The following ATP10B variants were observed in gnomAD, a reference collection of about 807,000 sequenced individuals.
ATP10B encodes phospholipid-transporting ATPase VB.
A neutral mutation model predicts 141.2 loss-of-function variants in ATP10B; 122 were observed. That is an observed-to-expected ratio of 0.86 (90% CI 0.75 to 1.00). The LOEUF is 1.00. Ranked by LOEUF, ATP10B falls within the 50% of genes least tolerant of loss-of-function variation. ATP10B has a pLI of 0.00. For synonymous variants in ATP10B, 685 were observed against 692.0 expected, an observed-to-expected ratio of 0.99 and a Z score of 0.16; for missense variants, 1,876 against 1,825.3, an observed-to-expected ratio of 1.03 and a Z score of -0.51.
At position 160,634,447 on chromosome 5, in the gene ATP10B, T is replaced by C. The variant is rs369363270; in HGVS notation, c.1288A>G (p.Ile430Val). ...AGGGTCCCCGTCTTATCGGAGAAGA[T>C]GTACTGGATCTGGCCCAAGTCCTCT... ...IAEDLGQIQY[I>V]FSDKTGTLTE... The change falls in exon 12 of 26, where the codon ATC becomes GTC. Residue 430 changes from isoleucine (I) to valine (V), a missense_variant. Physicochemically the swap from Ile to Val is conservative, Grantham distance 29. Transcript: ENST00000327245. 1.2e-6 allele frequency: 2 copies of C among 1,614,168 alleles called. No individual in the cohort carries two copies. Among genetic ancestry groups the C allele is most frequent in the Admixed American group, 1.7e-5 (1 of 60,030 alleles).
chr5:160,622,788 A>G (rs1339028833), intron 13 of ATP10B, among the ~76,000 whole-genome samples: 3 of 152,096 alleles, frequency 2.0e-5, no homozygotes, highest in African/African-American at 7.2e-5. Flanking sequence ...CCATTACCAG[A>G]TGCTGACAGT....
chr5:160,781,076 A>G (rs1402723948), intron 2 of ATP10B, among the ~76,000 whole-genome samples: 2 of 152,156 alleles, frequency 1.3e-5, no homozygotes, highest in Non-Finnish European at 2.9e-5. Context: ...TACTCTTAGT[A>G]TTTATGTGCT....
chr5:160,588,308 G>T (rs1052997633), intron 24 of ATP10B, among the ~76,000 whole-genome samples: 2 of 152,074 alleles, frequency 1.3e-5, no homozygotes, highest in Non-Finnish European at 1.5e-5. Flanking sequence ...TTCAAAATGA[G>T]AACTCCATGA....
At chr5:160,722,009 A>G (rs1766031138) in intron 2 of ATP10B, among the ~76,000 whole-genome samples, 1 of 152,202 alleles carries the variant, frequency 6.6e-6, no homozygotes, top group Non-Finnish European at 1.5e-5. Flanking sequence ...GGGGATAATA[A>G]TAATATATAC....
In ATP10B at chr5:160,636,312, G is replaced by A. The variant is rs775414141; in HGVS notation, c.1001-3C>T. 8.5e-5 allele frequency: 137 copies of A among 1,611,892 alleles called. No homozygotes were observed. Among genetic ancestry groups the A allele is most frequent in the Non-Finnish European group, 1.2e-4 (136 of 1,179,172 alleles). ...GGTCCCATTCCAGATGCTGTGACCT[G>A]AGAGGAGGCAAAACCAGGAATGAGG... On this transcript the variant is annotated splice_region_variant and splice_polypyrimidine_tract_variant and intron_variant, in intron 10 of 25. Coordinates refer to ENST00000327245, the MANE Select transcript of ATP10B (RefSeq NM_025153.3).
Position 160,632,358 on chromosome 5 carries a change from A to T in ATP10B, c.1391T>A (p.Leu464Gln). 6.2e-7 allele frequency: 1 copy of T among 1,614,132 alleles called. No individual in the cohort carries two copies. The highest frequency in any genetic ancestry group is 8.5e-7 in the Non-Finnish European group (1 of 1,179,960). ...TGAGTCCAGCTCCTTTGGGGTCTCCAGTCGCTTAGCTGCAAGAAAGGAGTC... is the reference window on the plus strand; with the variant it reads ...TGAGTCCAGCTCCTTTGGGGTCTCCTGTCGCTTAGCTGCAAGAAAGGAGTC... Reference protein sequence around the residue: ...EYSHQENAKRLETPKELDSDG... With the variant: ...EYSHQENAKRQETPKELDSDG... Residue 464 changes from leucine to glutamine, a missense_variant, in exon 13 of 26, where the codon CTG becomes CAG. By Grantham distance (113) the Leu-to-Gln change is moderately radical. Coordinates refer to ENST00000327245, the MANE Select transcript of ATP10B (RefSeq NM_025153.3).
chr5:160,581,355 T>C (rs1755539249), intron 24 of ATP10B, among the ~76,000 whole-genome samples: 2 of 152,206 alleles, frequency 1.3e-5, no homozygotes, highest in South Asian at 4.1e-4. Context: ...TGTGTCTTCG[T>C]TCTCACTGGT....
intron 1 of ATP10B, among the ~76,000 whole-genome samples, chr5:160,837,980 T>C (rs778105432): frequency 6.6e-6 from 1 of 152,204 alleles, no homozygotes; most frequent in Non-Finnish European, 1.5e-5. Context: ...GTTGGCATCA[T>C]TTAGGATTAG....
intron 18 of ATP10B, among the ~76,000 whole-genome samples, chr5:160,610,428 C>T (rs918000259): frequency 6.6e-6 from 1 of 152,154 alleles, no homozygotes; most frequent in African/African-American, 2.4e-5. Context: ...TGACCAACAG[C>T]TTGAGTGCAA....
intron 1 of ATP10B, among the ~76,000 whole-genome samples, chr5:160,815,933 A>G (rs1773580670): frequency 6.6e-6 from 1 of 152,146 alleles, no homozygotes; most frequent in South Asian, 2.1e-4. Context: ...AACGAAATGA[A>G]GGCAGAAATA....
At chr5:160,719,272 C>T (rs1263136534) in intron 2 of ATP10B, among the ~76,000 whole-genome samples, 3 of 152,060 alleles carry the variant, frequency 2.0e-5, no homozygotes, top group Non-Finnish European at 4.4e-5. Flanking sequence ...TGTTGGTGGG[C>T]GCCTGTAGTC....
In ATP10B at chr5:160,698,073, C is replaced by T. The variant is rs189829778; in HGVS notation, c.-204-9130G>A. Among the ~76,000 whole-genome samples the T allele has an allele frequency of 4.3e-4, 65 of 152,284 alleles. 1 individual carries two copies. The East Asian group carries it at 8.1e-3, about 19-fold the overall frequency. ...TCTCCAATTTGGTGTATTTGGAGCT[C>T]GGATTTCTCCCTCGAACTTTACATC... On this transcript the variant is annotated intron_variant, in intron 3 of 25. Transcript: ENST00000327245.
chr5:160,567,287 G>A (rs1386210949), intron 25 of ATP10B, among the ~76,000 whole-genome samples: 1 of 152,196 alleles, frequency 6.6e-6, no homozygotes, highest in African/African-American at 2.4e-5. Context: ...GGCAATGAGA[G>A]TGTCGAACAT....
At chr5:160,648,525 G>A (rs775521762) in intron 8 of ATP10B, among the ~76,000 whole-genome samples, 1 of 152,130 alleles carries the variant, frequency 6.6e-6, no homozygotes, top group Non-Finnish European at 1.5e-5. Context: ...TAAGGGAGCA[G>A]AATTGCAGTA....
rs1421950 is a variant in ATP10B, at chr5:160,682,480, A to G, written c.470+3599T>C. Among the ~76,000 whole-genome samples the G allele has an allele frequency of 5.6e-3, 851 of 152,280 alleles. 12 individuals are homozygous for G. The highest frequency in any genetic ancestry group is 0.019 in the African/African-American group (799 of 41,562). On this transcript the variant is annotated intron_variant, in intron 6 of 25. Coordinates refer to ENST00000327245, the MANE Select transcript of ATP10B (RefSeq NM_025153.3). ...CCTGGAAGCTATTTTGGAAACAACA[A>G]CAGCAGCCTGGCCTAGGTCCTGCCA...
chr5:160,728,628 A>G (rs2127790435), intron 2 of ATP10B, among the ~76,000 whole-genome samples: 1 of 152,200 alleles, frequency 6.6e-6, no homozygotes, highest in South Asian at 2.1e-4. Flanking sequence ...ATGTAATAAG[A>G]CCTAACCATG....
chr5:160,689,585 GACAA>G (rs199528651), intron 3 of ATP10B, among the ~76,000 whole-genome samples: 2,949 of 152,142 alleles, frequency 0.019, 97 homozygotes, highest in African/African-American at 0.066. Context: ...AGCAATAATA[GACAA>G]ACAGAGAGCC....
chr5:160,786,086 T>A (rs1421064896), intron 1 of ATP10B, among the ~76,000 whole-genome samples: 1 of 152,194 alleles, frequency 6.6e-6, no homozygotes, highest in Non-Finnish European at 1.5e-5. Context: ...TGTGTGCTGG[T>A]CCAGCCACTC....
intron 6 of ATP10B, among the ~76,000 whole-genome samples, chr5:160,679,705 G>A (rs369270262): frequency 2.6e-5 from 4 of 152,246 alleles, no homozygotes; most frequent in African/African-American, 9.6e-5. Context: ...CACACACTAA[G>A]TCTTGAATTA....
Sources: allele counts gnomAD v4.1 joint callset (sites outside exome capture counted in the v4.1 genomes callset), GRCh38; gene constraint gnomAD v4.1.1; transcripts MANE v1.5; gene names NCBI Gene and HGNC (gene_info 2026-07-23, HGNC 2026-07-21).